Variants in PARP3 observed in about 807,000 individuals in gnomAD.
PARP3 encodes protein mono-ADP-ribosyltransferase PARP3.
A neutral mutation model predicts 58.2 loss-of-function variants in PARP3; 46 were observed. The observed-to-expected ratio is 0.79, with a 90% CI of 0.62 to 1.01. PARP3 has a LOEUF of 1.01. Among genes scored for constraint, PARP3 ranks in the 50% least tolerant of loss-of-function variants. PARP3 has a pLI of 0.00. For missense variants in PARP3, 663 were observed against 683.9 expected (o/e 0.97, Z 0.34); for synonymous variants, 252 against 266.4 (o/e 0.95, Z 0.53).
In PARP3 at chr3:51,946,254, C is replaced by G. The variant is rs781243530; in HGVS notation, c.1187C>G (p.Thr396Ser). The G allele has an allele frequency of 2.5e-6, 4 of 1,614,096 alleles. No individual in the cohort carries two copies. Among genetic ancestry groups the G allele is most frequent in the Middle Eastern group, 1.6e-4 (1 of 6,062 alleles). Residue 396 changes from threonine (T) to serine (S), a missense_variant, in exon 9 of 11, where the codon ACT becomes AGT. Physicochemically the swap from Thr to Ser is moderately conservative, Grantham distance 58 (BLOSUM62 1). Around this residue, in one of 3 missense-constraint regions of PARP3, gnomAD observed 567 missense variants for 553.6 expected, o/e 1.02. Transcript: ENST00000398755. The surrounding 1 kb of genome is among the most constrained non-coding windows in gnomAD (Gnocchi z 4.6). Reference sequence around the variant, plus strand: ...ATGGCCGTGGTGGCCGCCATCCTCACTAGTGGGCTCCGCATCATGCCACAT... The same window carrying G: ...ATGGCCGTGGTGGCCGCCATCCTCAGTAGTGGGCTCCGCATCATGCCACAT... Reference protein sequence around the residue: ...TNMAVVAAILTSGLRIMPHSG... With the variant: ...TNMAVVAAILSSGLRIMPHSG...
At position 51,944,736 on chromosome 3, in the gene PARP3, CCTGCCCCG is replaced by C; in HGVS notation, c.502-37_502-30del. The C allele has an allele frequency of 6.3e-7, 1 of 1,585,794 alleles. No homozygotes were observed. Among genetic ancestry groups the C allele is most frequent in the Non-Finnish European group, 8.6e-7 (1 of 1,165,508 alleles). On this transcript the variant is annotated intron_variant, in intron 4 of 10. Transcript: ENST00000398755. The surrounding 1 kb of genome is among the most constrained non-coding windows in gnomAD (Gnocchi z 4.2). ...GGCTGGTCTCTGTCTGGTGTCACGC[CCTGCCCCG>C]CTGCTCCTGCCCACATGTGCCCTCT... is the stretch of plus-strand genomic sequence containing the variant.
chr3:51,944,900 C>T lies in PARP3; in HGVS notation c.624C>T (p.Leu208=), dbSNP rs763825031. ...AGATGTTCAAGAACACCATGGCCCT[C>T]ATGGACCTGGGTGAGGGGTGAGAGG... ...SKEMFKNTMA[L]MDLDVKKMPL... is the part of the protein sequence containing the mutation. Residue 208 remains leucine, a synonymous_variant, in exon 5 of 11, where the codon CTC becomes CTT. Coordinates refer to ENST00000398755, the MANE Select transcript of PARP3 (RefSeq NM_001003931.4). This position sits in a 1 kb window ranked among gnomAD's most constrained non-coding sequence, Gnocchi z 4.2. 1 of 1,613,880 alleles carries T rather than the reference C, an allele frequency of 6.2e-7. No homozygotes were observed. The highest frequency in any genetic ancestry group is 1.1e-5 in the South Asian group (1 of 91,076).
In PARP3 at chr3:51,944,356, T is replaced by C. The variant is rs780780747; in HGVS notation, c.313-34T>C. 6 of 1,612,206 alleles carry C rather than the reference T, an allele frequency of 3.7e-6. No individual in the cohort carries two copies. The East Asian group carries it at 8.9e-5, about 24-fold the overall frequency. On this transcript the variant is annotated intron_variant, in intron 3 of 10. Transcript: ENST00000398755. This position sits in a 1 kb window ranked among gnomAD's most constrained non-coding sequence, Gnocchi z 4.2. ...CGACACACAGGCCAGCAAATGCTGA[T>C]GGTGGGCATACCCCTGAAGGCTGTC...
In PARP3 at chr3:51,944,931, A is replaced by T; in HGVS notation, c.634+21A>T. 6.2e-7 allele frequency: 1 copy of T among 1,613,454 alleles called. No homozygotes were observed. Among genetic ancestry groups the T allele is most frequent in the South Asian group, 1.1e-5 (1 of 91,084 alleles). On this transcript the variant is annotated intron_variant, in intron 5 of 10. Transcript: ENST00000398755. This position sits in a 1 kb window ranked among gnomAD's most constrained non-coding sequence, Gnocchi z 4.2. ...CCTGGGTGAGGGGTGAGAGGCAGGC[A>T]GGGTGGCAGGGGCCTCAGGGTGGCA...
chr3:51,944,058 C>G lies in PARP3; in HGVS notation c.184-31C>G. 6.2e-7 allele frequency: 1 copy of G among 1,607,440 alleles called. No individual in the cohort carries two copies. ...GCCAGGCACCCCATCTGACCCCAGCCAGCCTGCCCCCCACCTCCCCTCTGG... is the reference window on the plus strand; with the variant it reads ...GCCAGGCACCCCATCTGACCCCAGCGAGCCTGCCCCCCACCTCCCCTCTGG... On this transcript the variant is annotated intron_variant, in intron 2 of 10. Transcript: ENST00000398755. The surrounding 1 kb of genome is among the most constrained non-coding windows in gnomAD (Gnocchi z 4.2).
In PARP3 at chr3:51,943,537, A is replaced by G. The variant is rs367991633; in HGVS notation, c.182A>G (p.Gln61Arg). The G allele has an allele frequency of 1.2e-6, 2 of 1,607,464 alleles. No individual in the cohort carries two copies. The highest frequency in any genetic ancestry group is 2.7e-5 in the African/African-American group (2 of 74,766). Reference sequence around the variant, plus strand: ...CCACTCAGCAGCAACCCCGGGACCCAGGTGAGCTGCAGTCCCCAGTCAGGC... The same window carrying G: ...CCACTCAGCAGCAACCCCGGGACCCGGGTGAGCTGCAGTCCCCAGTCAGGC... Reference protein sequence around the residue: ...TCPLSSNPGTQVYEDYNCTLN... With the variant: ...TCPLSSNPGTRVYEDYNCTLN... The change falls in exon 2 of 11, where the codon CAG (glutamine) becomes CGG (arginine). Residue 61 changes from glutamine to arginine, a missense_variant and splice_region_variant. Physicochemically the swap from Gln to Arg is conservative, Grantham distance 43. Transcript: ENST00000398755.
In PARP3 at chr3:51,944,624, G is replaced by A. The variant is rs4687792; in HGVS notation, c.501+46G>A. On this transcript the variant is annotated intron_variant, in intron 4 of 10. Coordinates refer to ENST00000398755, the MANE Select transcript of PARP3 (RefSeq NM_001003931.4). This position sits in a 1 kb window ranked among gnomAD's most constrained non-coding sequence, Gnocchi z 4.2. The stretch of plus-strand genomic sequence containing the variant: ...GGGCAGGCCCTGGACTGAGGGAGGG[G>A]ACTCGTTGGAGAGTTCCCGCTGGTT... The A allele has an allele frequency of 0.13, 203,229 of 1,596,448 alleles. 19,008 individuals are homozygous for A. Among genetic ancestry groups the A allele is most frequent in the East Asian group, 0.44 (19,801 of 44,584 alleles).
rs765475898 is a variant in PARP3 at position 51,944,605 on chromosome 3, G to A, written c.501+27G>A. The A allele has an allele frequency of 3.1e-6, 5 of 1,609,724 alleles. No homozygotes were observed. The highest frequency in any genetic ancestry group is 8.5e-7 in the Non-Finnish European group (1 of 1,176,634). ...TGAGATGGCCAAGGAAGGTGGGCAGGCCCTGGACTGAGGGAGGGGACTCGT... is the reference window on the plus strand; with the variant it reads ...TGAGATGGCCAAGGAAGGTGGGCAGACCCTGGACTGAGGGAGGGGACTCGT... On this transcript the variant is annotated intron_variant, in intron 4 of 10. Coordinates refer to ENST00000398755, the MANE Select transcript of PARP3 (RefSeq NM_001003931.4). The surrounding 1 kb of genome is among the most constrained non-coding windows in gnomAD (Gnocchi z 4.2).
chr3:51,943,548 A>G lies in PARP3; in HGVS notation c.183+10A>G. On this transcript the variant is annotated intron_variant, in intron 2 of 10. Transcript: ENST00000398755. ...CAACCCCGGGACCCAGGTGAGCTGCAGTCCCCAGTCAGGCCCAGAGCCTGC... is the reference window on the plus strand; with the variant it reads ...CAACCCCGGGACCCAGGTGAGCTGCGGTCCCCAGTCAGGCCCAGAGCCTGC... 1.2e-6 allele frequency: 2 copies of G among 1,603,970 alleles called. No individual in the cohort carries two copies. Among genetic ancestry groups the G allele is most frequent in the Non-Finnish European group, 1.7e-6 (2 of 1,175,620 alleles).
rs1180238014 is a variant in PARP3, at chr3:51,948,624, C to T, written c.*144C>T. ...CTATAGTCACCATGCTGTACAAGAT[C>T]CCTGAACTTATGCCTCCTAACTGAA... On this transcript the variant is annotated 3_prime_UTR_variant, in exon 11 of 11. Transcript: ENST00000398755. 1.1e-5 allele frequency: 8 copies of T among 733,346 alleles called. No homozygotes were observed. The Admixed American group carries it at 2.5e-4, about 23-fold the overall frequency. 45.4% of individuals were successfully genotyped at this position (733,346 alleles called of 1,614,324 possible).
intron 9 of PARP3, among the ~76,000 whole-genome samples, chr3:51,947,410 G>A (rs78937138): frequency 0.013 from 2,009 of 152,182 alleles, 59 homozygotes; most frequent in African/African-American, 0.046. Context: ...GAGAGCCAGC[G>A]CGAGGAAGTC....
In PARP3 at chr3:51,944,318, A is replaced by G. The variant is rs1699618277; in HGVS notation, c.313-72A>G. On this transcript the variant is annotated intron_variant, in intron 3 of 10. Coordinates refer to ENST00000398755, the MANE Select transcript of PARP3 (RefSeq NM_001003931.4). This position sits in a 1 kb window ranked among gnomAD's most constrained non-coding sequence, Gnocchi z 4.2. Reference sequence around the variant, plus strand: ...TCCCAACTGTCCCAGGGCACTCAGCACAGGGCCTGGCCCGACACACAGGCC... The same window carrying G: ...TCCCAACTGTCCCAGGGCACTCAGCGCAGGGCCTGGCCCGACACACAGGCC... The G allele has an allele frequency of 6.2e-7, 1 of 1,605,742 alleles. No individual in the cohort carries two copies. Among genetic ancestry groups the G allele is most frequent in the African/African-American group, 1.3e-5 (1 of 74,790 alleles).
At position 51,944,282 on chromosome 3, in the gene PARP3, G is replaced by A; in HGVS notation, c.312+65G>A. 6.2e-7 allele frequency: 1 copy of A among 1,605,884 alleles called. No individual in the cohort carries two copies. Among genetic ancestry groups the A allele is most frequent in the Non-Finnish European group, 8.5e-7 (1 of 1,174,636 alleles). On this transcript the variant is annotated intron_variant, in intron 3 of 10. Transcript: ENST00000398755. This position sits in a 1 kb window ranked among gnomAD's most constrained non-coding sequence, Gnocchi z 4.2. ...CTCAAAAGGCCACAGCTACTGACTT[G>A]GGGGGGCACCTCCCAACTGTCCCAG... is the stretch of plus-strand genomic sequence containing the variant.
At position 51,946,402 on chromosome 3, in the gene PARP3, A is replaced by C; in HGVS notation, c.1276+59A>C. 7.2e-7 allele frequency: 1 copy of C among 1,379,696 alleles called. No homozygotes were observed. Among genetic ancestry groups the C allele is most frequent in the Non-Finnish European group, 9.9e-7 (1 of 1,005,982 alleles). The allele number at this position is 1,379,696 out of a possible 1,614,324, so 85.5% of individuals were successfully genotyped here. A position where few individuals can be genotyped will look rare whatever the true frequency, so the allele number is the denominator to read the frequency against. On this transcript the variant is annotated intron_variant, in intron 9 of 10. Transcript: ENST00000398755. This position sits in a 1 kb window ranked among gnomAD's most constrained non-coding sequence, Gnocchi z 4.6. ...GTTGGCACTAAGATGGATTGGGCCC[A>C]GTCCTTGGCCACTGGAAATTCATGG...
chr3:51,944,016 A>G lies in PARP3; in HGVS notation c.184-73A>G. On this transcript the variant is annotated intron_variant, in intron 2 of 10. Transcript: ENST00000398755. This position sits in a 1 kb window ranked among gnomAD's most constrained non-coding sequence, Gnocchi z 4.2. ...GCCGTCAGACTCCTGTCCCCATCAG[A>G]GCCCTCTCGGTGTACGGCCAGGCAC... The G allele has an allele frequency of 6.8e-7, 1 of 1,461,918 alleles. No homozygotes were observed. The highest frequency in any genetic ancestry group is 1.2e-5 in the South Asian group (1 of 82,914). The allele number at this position is 1,461,918 out of a possible 1,614,324, so 90.6% of individuals were successfully genotyped here.
Position 51,947,859 on chromosome 3 carries a change from TTCGACAGTGTCA to T in PARP3, c.1398_1409del (p.Asp467_Ile470del). 6.2e-7 allele frequency: 1 copy of T among 1,614,090 alleles called. No individual in the cohort carries two copies. Reference sequence around the variant, plus strand: ...CAGCTTGAAGAGCCCACCTCCTGGCTTCGACAGTGTCATTGCCCGAGGCCACACCGAGCCTGG... The same window carrying T: ...CAGCTTGAAGAGCCCACCTCCTGGCTTTGCCCGAGGCCACACCGAGCCTGG... On this transcript the variant is annotated inframe_deletion, in exon 10 of 11. Coordinates refer to ENST00000398755, the MANE Select transcript of PARP3 (RefSeq NM_001003931.4).
chr3:51,943,222 C>A, intron 1 of PARP3, 132 bp from the exon 2 acceptor site: 1 of 1,027,020 alleles, frequency 9.7e-7, no homozygotes, highest in Non-Finnish European at 1.4e-6. Context: ...CAGTGGGAGG[C>A]CACCGAAGGG....
rs754168916 is a variant in PARP3 at position 51,944,451 on chromosome 3, T to C, written c.374T>C (p.Phe125Ser). The change falls in exon 4 of 11, where the codon TTT (phenylalanine) becomes TCT (serine). Residue 125 changes from phenylalanine (F) to serine (S), a missense_variant. This residue lies in a region of PARP3 where 567 missense variants were observed against 553.6 expected (regional missense o/e 1.02). Transcript: ENST00000398755. The surrounding 1 kb of genome is among the most constrained non-coding windows in gnomAD (Gnocchi z 4.2). ...AGGCTAGAAGATGCAAAGAAGGACT[T>C]TGAGAAGAAATTTCGGGAAAAGACC... is the stretch of plus-strand genomic sequence containing the variant. ...FTRLEDAKKD[F>S]EKKFREKTKN... The C allele has an allele frequency of 8.1e-6, 13 of 1,613,904 alleles. No individual in the cohort carries two copies. Among genetic ancestry groups the C allele is most frequent in the Middle Eastern group, 1.6e-4 (1 of 6,084 alleles).
chr3:51,942,635 G>C lies in PARP3; in HGVS notation c.-76G>C. ...GGCTCATGGAGAGTTGCTAGACCTG[G>C]GACTGCCCTGGGAGGCGCACACAAC... is the stretch of plus-strand genomic sequence containing the variant. On this transcript the variant is annotated 5_prime_UTR_variant, in exon 1 of 11. Transcript: ENST00000398755. 1 of 983,722 alleles carries C rather than the reference G, an allele frequency of 1.0e-6. No individual in the cohort carries two copies. Among genetic ancestry groups the C allele is most frequent in the Non-Finnish European group, 1.6e-6 (1 of 625,992 alleles). 60.9% of individuals were successfully genotyped at this position (983,722 alleles called of 1,614,324 possible).
Sources: allele counts gnomAD v4.1 joint callset (sites outside exome capture counted in the v4.1 genomes callset), GRCh38; gene constraint gnomAD v4.1.1; regional missense constraint gnomAD v4.1.1; non-coding constraint Gnocchi (gnomAD v3.1); transcripts MANE v1.5; gene names NCBI Gene and HGNC (gene_info 2026-07-23, HGNC 2026-07-21).